Variants in TEX15 observed in about 807,000 individuals in gnomAD.
TEX15 encodes the protein testis-expressed protein 15.
TEX15 carries 171 observed loss-of-function variants against 237.3 expected under a neutral mutation model. That is an observed-to-expected ratio of 0.72 (90% CI 0.64 to 0.82). TEX15 has a LOEUF of 0.82. Ranked by LOEUF, TEX15 falls within the 40% of genes least tolerant of loss-of-function variation. The probability of loss-of-function intolerance (pLI) is 0.00; values close to 1 mark genes in which losing one functional copy is unlikely to be tolerated. For missense variants in TEX15, 3,750 were observed against 3,646.5 expected (o/e 1.03, Z -0.73); for synonymous variants, 1,338 against 1,269.8 (o/e 1.05, Z -1.14).
intron 7 of TEX15, among the ~76,000 whole-genome samples, chr8:30,857,478 G>C (rs1248006214): frequency 6.6e-6 from 1 of 152,086 alleles, no homozygotes; most frequent in African/African-American, 2.4e-5. Flanking sequence ...AGAATACGAA[G>C]ACACAAACTC....
intron 7 of TEX15, among the ~76,000 whole-genome samples, chr8:30,855,810 A>G (rs772763815): frequency 2.6e-5 from 4 of 152,338 alleles, no homozygotes; most frequent in South Asian, 4.1e-4. Context: ...AACATTGTTA[A>G]GTGAAAGAAA....
At chr8:30,860,245 T>G (rs564842813) in intron 5 of TEX15, among the ~76,000 whole-genome samples, 188 bp from the exon 6 acceptor site, 1 of 151,736 alleles carries the variant, frequency 6.6e-6, no homozygotes, top group African/African-American at 2.4e-5. Flanking sequence ...CTCGGCCCCG[T>G]TGAGTAGCTG....
chr8:30,881,553 A>G (rs1808520288), intron 3 of TEX15, among the ~76,000 whole-genome samples: 1 of 149,762 alleles, frequency 6.7e-6, no homozygotes, highest in Non-Finnish European at 1.5e-5. Flanking sequence ...AATTTAATTG[A>G]TCTTTCCAAA....
chr8:30,910,877 A>T (rs577086833), intron 1 of TEX15, among the ~76,000 whole-genome samples: 1 of 152,226 alleles, frequency 6.6e-6, no homozygotes, highest in South Asian at 2.1e-4. Context: ...GTAAAGAAAG[A>T]TCTATGTTTT....
chr8:30,844,218 ATCAC>A lies in TEX15; in HGVS notation c.5945_5948del (p.Ser1982IlefsTer15). The A allele has an allele frequency of 6.2e-7, 1 of 1,611,322 alleles. No individual in the cohort carries two copies. Among genetic ancestry groups the A allele is most frequent in the African/African-American group, 1.3e-5 (1 of 74,822 alleles). On this transcript the variant is annotated frameshift_variant, in exon 8 of 11. Coordinates refer to ENST00000643185, the MANE Select transcript of TEX15 (RefSeq NM_001350162.2). LOFTEE classifies it high-confidence loss of function. ...TAGCTGAGCAATGTTTTTCTTTAAA[ATCAC>A]TCACGTATGACGCAGGTTTCTTCAG...
chr8:30,839,565 A>AT (rs1409743830), intron 9 of TEX15, among the ~76,000 whole-genome samples: 1 of 152,102 alleles, frequency 6.6e-6, no homozygotes, highest in Non-Finnish European at 1.5e-5. Flanking sequence ...AAAGATATAA[A>AT]TTTTTCTTTC....
chr8:30,895,523 CA>C (rs1218576972), intron 2 of TEX15, among the ~76,000 whole-genome samples: 1 of 150,720 alleles, frequency 6.6e-6, no homozygotes, highest in Middle Eastern at 3.2e-3. Context: ...CTTTCTCTGC[CA>C]ATTAAGGCAT....
At chr8:30,908,421 A>T (rs1809153702) in intron 1 of TEX15, among the ~76,000 whole-genome samples, 1 of 152,164 alleles carries the variant, frequency 6.6e-6, no homozygotes, top group Non-Finnish European at 1.5e-5. Context: ...TAATGTTTTC[A>T]TCTATGTATA....
At chr8:30,907,339 T>G (rs79273662) in intron 1 of TEX15, among the ~76,000 whole-genome samples, 2,994 of 151,998 alleles carry the variant, frequency 0.02, 179 homozygotes, top group Admixed American at 0.13. Context: ...GCGTACAGTT[T>G]TCTGCACGCT....
In TEX15 at chr8:30,874,986, T is replaced by C; in HGVS notation, c.253A>G (p.Thr85Ala). ...DLQSLWQFGD[T>A]KLVHNEELEK... ...AGTTCCTCATTGTGAACCAGTTTTG[T>C]ATCCCCAAACTGCCATAACGACTGC... is the stretch of plus-strand genomic sequence containing the variant. Residue 85 changes from threonine (T) to alanine (A), a missense_variant, in exon 4 of 11, where the codon ACA becomes GCA. Transcript: ENST00000643185. 7.2e-7 allele frequency: 1 copy of C among 1,382,314 alleles called. No individual in the cohort carries two copies. Among genetic ancestry groups the C allele is most frequent in the Admixed American group, 2.9e-5 (1 of 34,852 alleles). The allele number at this position is 1,382,314 out of a possible 1,614,324, so 85.6% of individuals were successfully genotyped here. A position where few individuals can be genotyped will look rare whatever the true frequency, so the allele number is the denominator to read the frequency against.
chr8:30,876,916 G>C (rs1323676062), intron 3 of TEX15, among the ~76,000 whole-genome samples: 2 of 152,102 alleles, frequency 1.3e-5, no homozygotes, highest in African/African-American at 2.4e-5. Context: ...GTTTTTACAA[G>C]ATCTGATGGT....
chr8:30,841,738 C>G lies in TEX15; in HGVS notation c.8163+266G>C, dbSNP rs572410777. ...CTCCTTCTTAAGAAGCTTTTAAAAT[C>G]CACGTCCTTCCAAAAAATGTTTTCT... On this transcript the variant is annotated intron_variant, in intron 8 of 10. Coordinates refer to ENST00000643185, the MANE Select transcript of TEX15 (RefSeq NM_001350162.2). Among the ~76,000 whole-genome samples the G allele has an allele frequency of 6.2e-4, 95 of 152,242 alleles. 1 individual carries two copies. In the South Asian group the frequency reaches 0.019, roughly 31 times the overall value.
At position 30,848,285 on chromosome 8, in the gene TEX15, C is replaced by G; in HGVS notation, c.1882G>C (p.Glu628Gln). 1 of 1,612,986 alleles carries G rather than the reference C, an allele frequency of 6.2e-7. No individual in the cohort carries two copies. Among genetic ancestry groups the G allele is most frequent in the Non-Finnish European group, 8.5e-7 (1 of 1,179,806 alleles). Residue 628 changes from glutamate to glutamine, a missense_variant, in exon 8 of 11, where the codon GAA becomes CAA. By Grantham distance (29) the Glu-to-Gln change is conservative. Transcript: ENST00000643185. Reference sequence around the variant, plus strand: ...TTTTCTTCATGTTTGGAACTGTCTTCCAGGTCAGCGAAGTTTTTCATCTTT... The same window carrying G: ...TTTTCTTCATGTTTGGAACTGTCTTGCAGGTCAGCGAAGTTTTTCATCTTT... ...TGKMKNFADL[E>Q]DSSKHEEKQT...
chr8:30,864,656 T>C (rs1808122919), intron 5 of TEX15, among the ~76,000 whole-genome samples: 1 of 148,218 alleles, frequency 6.7e-6, no homozygotes, highest in African/African-American at 2.5e-5. Flanking sequence ...GAATTTATTG[T>C]TACCAGACTT....
At chr8:30,861,304 A>G (rs959199343) in intron 5 of TEX15, among the ~76,000 whole-genome samples, 1 of 152,180 alleles carries the variant, frequency 6.6e-6, no homozygotes, top group African/African-American at 2.4e-5. Context: ...ACTGTTTTCT[A>G]AGAATATGTG....
chr8:30,833,128 ATG>A lies in TEX15; in HGVS notation c.*156_*157del, dbSNP rs759200647. ...GTTAGAAATTGATGTCCTATATGAT[ATG>A]TGTTAGATTATTTGTATATTTTACA... On this transcript the variant is annotated 3_prime_UTR_variant, in exon 11 of 11. Coordinates refer to ENST00000643185, the MANE Select transcript of TEX15 (RefSeq NM_001350162.2). 38 of 550,244 alleles carry A rather than the reference ATG, an allele frequency of 6.9e-5. No individual in the cohort carries two copies. Among genetic ancestry groups the A allele is most frequent in the Non-Finnish European group, 1.0e-4 (32 of 309,694 alleles). The allele number at this position is 550,244 out of a possible 1,614,324, so 34.1% of individuals were successfully genotyped here. A position where few individuals can be genotyped will look rare whatever the true frequency, so the allele number is the denominator to read the frequency against.
intron 4 of TEX15, among the ~76,000 whole-genome samples, chr8:30,870,524 T>C (rs958663883): frequency 1.3e-5 from 2 of 152,088 alleles, no homozygotes; most frequent in African/African-American, 4.8e-5. Flanking sequence ...TCGCCTAAAG[T>C]AGAGATTAAA....
At chr8:30,894,763 C>CA (rs1247862487) in intron 2 of TEX15, among the ~76,000 whole-genome samples, 1 of 152,204 alleles carries the variant, frequency 6.6e-6, no homozygotes, top group East Asian at 1.9e-4. Flanking sequence ...TGTTAGAAAA[C>CA]AAAAAACATA....
chr8:30,908,222 C>T (rs1362058665), intron 1 of TEX15, among the ~76,000 whole-genome samples: 1 of 151,964 alleles, frequency 6.6e-6, no homozygotes, highest in African/African-American at 2.4e-5. Context: ...CTGTGCCTGA[C>T]CCTATTTTTT....
Sources: allele counts gnomAD v4.1 joint callset (sites outside exome capture counted in the v4.1 genomes callset), GRCh38; gene constraint gnomAD v4.1.1; transcripts MANE v1.5; gene names NCBI Gene and HGNC (gene_info 2026-07-23, HGNC 2026-07-21).